KIF16B: variants seen among roughly 807,000 people sequenced by gnomAD.
KIF16B encodes kinesin family member 16B, also known as kinesin-like protein KIF16B.
In KIF16B, 98 loss-of-function variants were observed where a neutral mutation model predicts 156.3. That is an observed-to-expected ratio of 0.63 (90% CI 0.53 to 0.74). The LOEUF (loss-of-function observed/expected upper bound fraction) is 0.74. Among genes scored for constraint, KIF16B ranks in the 30% least tolerant of loss-of-function variants. The probability of loss-of-function intolerance (pLI) is 0.00; values close to 1 mark genes in which losing one functional copy is unlikely to be tolerated. For synonymous variants in KIF16B, 564 were observed against 583.7 expected, an observed-to-expected ratio of 0.97 and a Z score of 0.49; for missense variants, 1,421 against 1,606.5, an observed-to-expected ratio of 0.88 and a Z score of 1.97.
At chr20:16,393,876 T>C (rs1018567144) in intron 17 of KIF16B, among the ~76,000 whole-genome samples, 2 of 152,042 alleles carry the variant, frequency 1.3e-5, no homozygotes, top group African/African-American at 2.4e-5. Flanking sequence ...GGTGGACAAA[T>C]GGACAAGTGT....
intron 25 of KIF16B, among the ~76,000 whole-genome samples, chr20:16,294,966 G>A (rs1024755134): frequency 1.3e-5 from 2 of 152,128 alleles, no homozygotes; most frequent in Admixed American, 6.5e-5. Flanking sequence ...TGTCCTTAGC[G>A]TCCAATTTTC....
At chr20:16,543,332 A>G (rs151188427) in intron 1 of KIF16B, among the ~76,000 whole-genome samples, 171 of 152,356 alleles carry the variant, frequency 1.1e-3, no homozygotes, top group African/African-American at 3.8e-3. Flanking sequence ...ACAAAAATCC[A>G]GAACAGACTA....
At chr20:16,508,145 AG>A in intron 6 of KIF16B, 45 bp from the exon 7 acceptor site, 1 of 1,595,794 alleles carries the variant, frequency 6.3e-7, no homozygotes, top group South Asian at 1.1e-5. Flanking sequence ...CCTAATATAT[AG>A]GAAATGGAAT....
In KIF16B at chr20:16,349,997, G is replaced by A. The variant is rs115888696; in HGVS notation, c.3621+6333C>T. On this transcript the variant is annotated intron_variant, in intron 23 of 25. Coordinates refer to ENST00000354981, the MANE Select transcript of KIF16B (RefSeq NM_024704.5). ...GACAAGTTTTCCCTGGAACACTTCCGTGAGGTTATACATCCTCGTTATCAT... is the reference window on the plus strand; with the variant it reads ...GACAAGTTTTCCCTGGAACACTTCCATGAGGTTATACATCCTCGTTATCAT... Among the ~76,000 whole-genome samples, 308 of 152,326 alleles carry A rather than the reference G, an allele frequency of 2.0e-3. 3 individuals are homozygous for A. Among genetic ancestry groups the A allele is most frequent in the African/African-American group, 6.4e-3 (266 of 41,570 alleles).
At chr20:16,565,753 G>A (rs6044124) in intron 1 of KIF16B, among the ~76,000 whole-genome samples, 21,660 of 152,138 alleles carry the variant, frequency 0.14, 1,556 homozygotes, top group South Asian at 0.17. Flanking sequence ...CCAGCACCCC[G>A]AAACAAATCA....
chr20:16,327,045 ATATG>A (rs954316308), intron 24 of KIF16B, among the ~76,000 whole-genome samples: 1 of 136,102 alleles, frequency 7.3e-6, no homozygotes, highest in Non-Finnish European at 1.5e-5. Flanking sequence ...ACACACATAT[ATATG>A]TATGTATATG....
intron 12 of KIF16B, among the ~76,000 whole-genome samples, chr20:16,436,307 C>T (rs1278439769): frequency 6.6e-6 from 1 of 152,082 alleles, no homozygotes; most frequent in African/African-American, 2.4e-5. Flanking sequence ...TGACAGAGGG[C>T]TAGGAGGTCT....
chr20:16,445,010 A>G (rs555062962), intron 12 of KIF16B, among the ~76,000 whole-genome samples: 2 of 152,260 alleles, frequency 1.3e-5, no homozygotes, highest in African/African-American at 4.8e-5. Flanking sequence ...ACATGCATTT[A>G]CTATAGATTG....
intron 20 of KIF16B, among the ~76,000 whole-genome samples, 177 bp from the exon 21 acceptor site, chr20:16,371,938 T>C (rs1357296238): frequency 6.6e-6 from 1 of 152,194 alleles, no homozygotes. Flanking sequence ...GTGCTACATG[T>C]TCACTATCTG....
At chr20:16,465,305 G>T (rs577463932) in intron 12 of KIF16B, among the ~76,000 whole-genome samples, 4 of 152,150 alleles carry the variant, frequency 2.6e-5, no homozygotes, top group Non-Finnish European at 5.9e-5. Flanking sequence ...TAAATGGAAA[G>T]TCAAGAGCTT....
At chr20:16,295,413 T>C (rs975793143) in intron 25 of KIF16B, among the ~76,000 whole-genome samples, 3 of 151,930 alleles carry the variant, frequency 2.0e-5, no homozygotes, top group Non-Finnish European at 4.4e-5. Flanking sequence ...GAATTATATC[T>C]ATAATTGATA....
intron 1 of KIF16B, among the ~76,000 whole-genome samples, chr20:16,552,032 G>A (rs1443258359): frequency 6.6e-6 from 1 of 152,244 alleles, no homozygotes; most frequent in Admixed American, 6.5e-5. Flanking sequence ...GACATCAAAT[G>A]AGCAGTTCTA....
At chr20:16,555,956 T>C (rs1443037620) in intron 1 of KIF16B, among the ~76,000 whole-genome samples, 1 of 152,194 alleles carries the variant, frequency 6.6e-6, no homozygotes, top group Non-Finnish European at 1.5e-5. Context: ...AAACTATTTG[T>C]TGGTAGAAAA....
chr20:16,514,582 G>GA (rs540602451), intron 4 of KIF16B, among the ~76,000 whole-genome samples: 5,183 of 76,744 alleles, frequency 0.068, 458 homozygotes, highest in African/African-American at 0.24. Flanking sequence ...TAAGAAATAA[G>GA]AAAAAAAAAA....
chr20:16,368,411 A>C, intron 22 of KIF16B: 1 of 987,942 alleles, frequency 1.0e-6, no homozygotes, highest in Non-Finnish European at 1.2e-6. Flanking sequence ...TCAGTCTTCA[A>C]GGGCATGTGT....
intron 25 of KIF16B, among the ~76,000 whole-genome samples, chr20:16,276,984 T>TC (rs1311821379): frequency 1.3e-5 from 2 of 152,206 alleles, no homozygotes; most frequent in Non-Finnish European, 2.9e-5. Context: ...ATACAACACT[T>TC]CCAGCCCCCA....
At chr20:16,422,679 T>C (rs907056130) in intron 15 of KIF16B, among the ~76,000 whole-genome samples, 1 of 152,158 alleles carries the variant, frequency 6.6e-6, no homozygotes, top group Admixed American at 6.6e-5. Flanking sequence ...GTTTGGAATT[T>C]GTATACATAA....
intron 22 of KIF16B, among the ~76,000 whole-genome samples, chr20:16,365,324 T>C (rs192053177): frequency 1.3e-5 from 2 of 152,356 alleles, no homozygotes; most frequent in East Asian, 1.9e-4. Context: ...TGAGGGAAGA[T>C]GACCTACCAA....
At chr20:16,477,012 G>T (rs555037767) in intron 12 of KIF16B, among the ~76,000 whole-genome samples, 1 of 152,248 alleles carries the variant, frequency 6.6e-6, no homozygotes, top group Non-Finnish European at 1.5e-5. Context: ...CTCCCAAAGT[G>T]CTGGGATTAC....
Sources: gnomAD v4.1 joint callset for allele counts (sites outside exome capture counted in the v4.1 genomes callset) on GRCh38, gnomAD v4.1.1 for gene constraint, MANE v1.5 for transcripts, NCBI Gene and HGNC (gene_info 2026-07-23, HGNC 2026-07-21) for gene names.